The following PPFIA2 variants were observed in gnomAD, a reference collection of about 807,000 sequenced individuals.
PPFIA2 encodes liprin-alpha-2.
A neutral mutation model predicts 175.5 loss-of-function variants in PPFIA2; 46 were observed. The ratio of observed to expected loss-of-function variants is 0.26; its 90% CI spans 0.21 to 0.34. The LOEUF is 0.34. PPFIA2 is among the 10% of genes least tolerant of loss of function. The pLI, the probability that PPFIA2 is intolerant of heterozygous loss-of-function variation, is 1.00. For missense variants in PPFIA2, 1,179 were observed against 1,506.1 expected, an observed-to-expected ratio of 0.78 and a Z score of 3.60; for synonymous variants, 568 against 511.4, an observed-to-expected ratio of 1.11 and a Z score of -1.49.
Position 81,405,886 on chromosome 12 carries a change from T to G in PPFIA2, c.663A>C (p.Glu221Asp). The G allele has an allele frequency of 6.4e-7, 1 of 1,566,668 alleles. No individual in the cohort carries two copies. The highest frequency in any genetic ancestry group is 8.7e-7 in the Non-Finnish European group (1 of 1,153,730). ...TTTTTCTTTGTATATGAACATTTTG[T>G]TCACGCAAGGCAACAATCTGCAAAA... ...AANQEIVALR[E>D]QNVHIQRKMA... is the part of the protein sequence containing the mutation. The change falls in exon 8 of 33, where the codon GAA becomes GAC. Residue 221 changes from glutamate (E) to aspartate (D), a missense_variant. Around this residue, in one of 10 missense-constraint regions of PPFIA2, gnomAD observed 226 missense variants for 216.6 expected, o/e 1.04. Transcript: ENST00000549396.
chr12:81,425,144 C>A (rs979405903), intron 7 of PPFIA2, among the ~76,000 whole-genome samples: 1 of 152,114 alleles, frequency 6.6e-6, no homozygotes, highest in Non-Finnish European at 1.5e-5. Context: ...ATCGCAAGAT[C>A]TCAATACATT....
At chr12:81,324,890 T>C (rs933794353) in intron 22 of PPFIA2, among the ~76,000 whole-genome samples, 30 of 152,136 alleles carry the variant, frequency 2.0e-4, no homozygotes, top group South Asian at 2.1e-4. Context: ...TGTAAGTATA[T>C]ACTTCCCTAT....
intron 24 of PPFIA2, among the ~76,000 whole-genome samples, chr12:81,286,445 T>A (rs2043435973): frequency 6.6e-6 from 1 of 152,076 alleles, no homozygotes; most frequent in Non-Finnish European, 1.5e-5. Context: ...TTTCTATGTT[T>A]AGACATATTT....
intron 13 of PPFIA2, chr12:81,368,065 T>G (rs962163238): frequency 8.0e-7 from 1 of 1,246,906 alleles, no homozygotes; most frequent in Non-Finnish European, 1.1e-6. Context: ...CAATCTAGAT[T>G]TCTAAAATGA....
intron 4 of PPFIA2, among the ~76,000 whole-genome samples, chr12:81,510,679 TG>T (rs1293907489): frequency 6.6e-6 from 1 of 152,104 alleles, no homozygotes; most frequent in Non-Finnish European, 1.5e-5. Flanking sequence ...GAATAACCCG[TG>T]GAATTTCTGA....
chr12:81,263,759 G>A (rs1016996675), intron 30 of PPFIA2, among the ~76,000 whole-genome samples: 2 of 152,160 alleles, frequency 1.3e-5, no homozygotes, highest in Non-Finnish European at 2.9e-5. Flanking sequence ...AATTGAATCA[G>A]TTGTTGAGTA....
chr12:81,706,337 T>A (rs959767577), intron 3 of PPFIA2, among the ~76,000 whole-genome samples: 1 of 152,210 alleles, frequency 6.6e-6, no homozygotes, highest in Non-Finnish European at 1.5e-5. Context: ...GGAGGCTATA[T>A]TACATATTTT....
At chr12:81,264,441 C>T (rs1019193850) in intron 30 of PPFIA2, among the ~76,000 whole-genome samples, 2 of 152,118 alleles carry the variant, frequency 1.3e-5, no homozygotes, top group African/African-American at 2.4e-5. Context: ...CTTGTCTTCT[C>T]ATCTCACTGT....
chr12:81,389,049 G>A (rs2039575484), intron 8 of PPFIA2, among the ~76,000 whole-genome samples: 1 of 151,306 alleles, frequency 6.6e-6, no homozygotes, highest in Non-Finnish European at 1.5e-5. Context: ...TCACAGAAGT[G>A]GAGCCGCTGA....
At chr12:81,291,369 C>A (rs566325273) in intron 24 of PPFIA2, among the ~76,000 whole-genome samples, 116 of 152,030 alleles carry the variant, frequency 7.6e-4, no homozygotes, top group Middle Eastern at 3.4e-3. Context: ...CATCACACTT[C>A]ACTTCTATTG....
chr12:81,475,257 G>T (rs2057331657), intron 4 of PPFIA2, among the ~76,000 whole-genome samples: 1 of 152,094 alleles, frequency 6.6e-6, no homozygotes, highest in African/African-American at 2.4e-5. Context: ...ATTTGTTAAA[G>T]GACCATGGTA....
rs575813090 is a variant in PPFIA2 at position 81,351,977 on chromosome 12, G to T, written c.1994+1142C>A. Among the ~76,000 whole-genome samples the T allele has an allele frequency of 2.0e-5, 3 of 152,174 alleles. No individual in the cohort carries two copies. In the South Asian group the frequency reaches 6.2e-4, roughly 32 times the overall value. On this transcript the variant is annotated intron_variant, in intron 17 of 32. Transcript: ENST00000549396. The stretch of plus-strand genomic sequence containing the variant: ...GTAATTTTTATTATTAAGAATAGTA[G>T]TAATATGTTTGGTTTATCCCATTTA...
chr12:81,711,947 T>A (rs1471449998), intron 3 of PPFIA2, among the ~76,000 whole-genome samples: 4 of 151,144 alleles, frequency 2.6e-5, no homozygotes, highest in East Asian at 2.0e-4. Flanking sequence ...AAAAAAAAAA[T>A]TTCTTCAAAA....
At chr12:81,384,466 T>C (rs1197675674) in intron 8 of PPFIA2, among the ~76,000 whole-genome samples, 1 of 152,074 alleles carries the variant, frequency 6.6e-6, no homozygotes, top group East Asian at 1.9e-4. Context: ...ATAGATGTAT[T>C]TGAAATATGC....
At chr12:81,351,131 A>C (rs148210907) in intron 17 of PPFIA2, among the ~76,000 whole-genome samples, 2 of 152,276 alleles carry the variant, frequency 1.3e-5, no homozygotes, top group East Asian at 3.9e-4. Context: ...CAATATTTGA[A>C]ATGTTAATTT....
At position 81,281,288 on chromosome 12, in the gene PPFIA2, C is replaced by T; in HGVS notation, c.3181G>A (p.Val1061Ile). 6.2e-7 allele frequency: 1 copy of T among 1,609,642 alleles called. No individual in the cohort carries two copies. The highest frequency in any genetic ancestry group is 8.5e-7 in the Non-Finnish European group (1 of 1,177,372). ...LDHLTKKDLR[V>I]HLKMVDSFHR... ...AAACTATCCACCATTTTTAAATGGA[C>T]ACGGAGATCTTTTTTTGTTAGGTGA... The change falls in exon 27 of 33, where the codon GTC becomes ATC. Residue 1061 changes from valine to isoleucine, a missense_variant. Physicochemically the swap from Val to Ile is conservative, Grantham distance 29. Coordinates refer to ENST00000549396, the MANE Select transcript of PPFIA2 (RefSeq NM_003625.5).
intron 8 of PPFIA2, among the ~76,000 whole-genome samples, chr12:81,405,286 C>T (rs1566677456): frequency 1.3e-5 from 2 of 151,998 alleles, no homozygotes; most frequent in African/African-American, 4.8e-5. Context: ...TCAAACAATG[C>T]AAGAAAAATA....
intron 4 of PPFIA2, among the ~76,000 whole-genome samples, chr12:81,670,873 G>T (rs1418792784): frequency 1.3e-5 from 2 of 151,796 alleles, no homozygotes. Context: ...ACCCATCTCT[G>T]TTTTGTCTTT....
chr12:81,452,113 C>G (rs538935761), intron 5 of PPFIA2, among the ~76,000 whole-genome samples: 1 of 152,220 alleles, frequency 6.6e-6, no homozygotes, highest in East Asian at 1.9e-4. Context: ...CAGACACACA[C>G]ACACACACCC....
Sources: gnomAD v4.1 joint callset for allele counts (sites outside exome capture counted in the v4.1 genomes callset) on GRCh38, gnomAD v4.1.1 for gene constraint, gnomAD v4.1.1 regional missense constraint, MANE v1.5 for transcripts, NCBI Gene and HGNC (gene_info 2026-07-23, HGNC 2026-07-21) for gene names.